SEMA6D: variants seen among roughly 807,000 people sequenced by gnomAD.
SEMA6D encodes the protein semaphorin-6D.
A neutral mutation model predicts 106.6 loss-of-function variants in SEMA6D; 35 were observed. The ratio of observed to expected loss-of-function variants is 0.33; its 90% CI spans 0.25 to 0.44. The LOEUF (loss-of-function observed/expected upper bound fraction) is 0.44. Among genes scored for constraint, SEMA6D ranks in the 20% least tolerant of loss-of-function variants. SEMA6D has a pLI of 1.00. For synonymous variants in SEMA6D, 499 were observed against 487.7 expected, an observed-to-expected ratio of 1.02 and a Z score of -0.31; for missense variants, 1,185 against 1,345.9, an observed-to-expected ratio of 0.88 and a Z score of 1.87.
chr15:47,296,422 G>A (rs1329326356), intron 1 of SEMA6D, among the ~76,000 whole-genome samples: 1 of 152,174 alleles, frequency 6.6e-6, no homozygotes, highest in Non-Finnish European at 1.5e-5. Context: ...GTGGCATGCT[G>A]AAAATTAAAC....
chr15:47,558,837 T>A (rs1425222897), intron 3 of SEMA6D, among the ~76,000 whole-genome samples: 2 of 152,040 alleles, frequency 1.3e-5, no homozygotes, highest in Non-Finnish European at 2.9e-5. Context: ...TCAGTGTAAT[T>A]TCCAAAAATA....
At chr15:47,464,777 T>G (rs1307781605) in intron 2 of SEMA6D, among the ~76,000 whole-genome samples, 1 of 152,130 alleles carries the variant, frequency 6.6e-6, no homozygotes, top group Non-Finnish European at 1.5e-5. Context: ...ATGAGTACCA[T>G]ATGTTAATAT....
intron 1 of SEMA6D, among the ~76,000 whole-genome samples, chr15:47,225,417 A>G (rs1056639825): frequency 6.6e-6 from 1 of 151,090 alleles, no homozygotes; most frequent in African/African-American, 2.4e-5. Flanking sequence ...GATGTGGAAC[A>G]TCTATTCATA....
rs972836215 is a variant in SEMA6D at position 47,754,268 on chromosome 15, T to G, written c.-54-5477T>G. Among the ~76,000 whole-genome samples the G allele has an allele frequency of 2.6e-5, 4 of 152,170 alleles. No homozygotes were observed. The East Asian group carries it at 7.7e-4, about 29-fold the overall frequency. On this transcript the variant is annotated intron_variant, in intron 1 of 18. Transcript: ENST00000536845. ...AAATTTTCTTTTAAAGTTTAAAAAT[T>G]TGCATTAACCTTCCCTATAAATTCC...
At chr15:47,727,629 A>C (rs565402858) in intron 1 of SEMA6D, among the ~76,000 whole-genome samples, 27 of 152,326 alleles carry the variant, frequency 1.8e-4, no homozygotes, top group African/African-American at 6.3e-4. Context: ...AGAAAGTAAT[A>C]AAATCTGCTC....
intron 1 of SEMA6D, among the ~76,000 whole-genome samples, chr15:47,381,595 G>A (rs1195117738): frequency 4.6e-5 from 7 of 152,134 alleles, no homozygotes; most frequent in Non-Finnish European, 1.0e-4. Context: ...AAAATTTCAA[G>A]ATGGTCTATC....
At chr15:47,612,307 C>T (rs142365966) in intron 4 of SEMA6D, among the ~76,000 whole-genome samples, 134 of 152,238 alleles carry the variant, frequency 8.8e-4, no homozygotes, top group Middle Eastern at 3.4e-3. Context: ...GAACTTTCTA[C>T]TGAGAAAATA....
At chr15:47,247,416 C>T (rs1420356049) in intron 1 of SEMA6D, among the ~76,000 whole-genome samples, 3 of 151,576 alleles carry the variant, frequency 2.0e-5, no homozygotes, top group Admixed American at 6.6e-5. Context: ...ATTGTTCCTC[C>T]TATATAGCAA....
In SEMA6D at chr15:47,461,821, T is replaced by G. The variant is rs281324; in HGVS notation, c.-158-8653T>G. Among the ~76,000 whole-genome samples the G allele has an allele frequency of 8.5e-3, 1,291 of 151,314 alleles. 22 individuals are homozygous for G. The highest frequency in any genetic ancestry group is 0.03 in the African/African-American group (1,236 of 41,252). ...TAAGATTAGAACTTGAAGGGCAAAT[T>G]TGTAAAATGTGTGAAGAATGTATAT... On this transcript the variant is annotated intron_variant, in intron 2 of 19. Coordinates refer to the SEMA6D transcript ENST00000558014.
At chr15:47,663,228 A>G (rs1033828983) in intron 4 of SEMA6D, among the ~76,000 whole-genome samples, 1 of 152,228 alleles carries the variant, frequency 6.6e-6, no homozygotes, top group Non-Finnish European at 1.5e-5. Context: ...ACAGATGCTA[A>G]CAAATTCCAG....
intron 1 of SEMA6D, among the ~76,000 whole-genome samples, chr15:47,733,156 T>C (rs1016667490): frequency 5.9e-5 from 9 of 152,252 alleles, no homozygotes; most frequent in Non-Finnish European, 1.2e-4. Context: ...TGATAAATTC[T>C]GTATCTACTG....
intron 4 of SEMA6D, among the ~76,000 whole-genome samples, chr15:47,627,968 C>T (rs1365035076): frequency 6.6e-6 from 1 of 152,052 alleles, no homozygotes; most frequent in Non-Finnish European, 1.5e-5. Flanking sequence ...GCATTTTTCA[C>T]CCATGAATAT....
intron 1 of SEMA6D, among the ~76,000 whole-genome samples, chr15:47,217,093 C>T (rs1566931832): frequency 1.3e-5 from 2 of 152,124 alleles, no homozygotes; most frequent in African/African-American, 2.4e-5. Flanking sequence ...CTGAATCTGC[C>T]TGGACCTTGA....
chr15:47,341,806 G>C (rs1374541437), intron 1 of SEMA6D, among the ~76,000 whole-genome samples: 1 of 152,068 alleles, frequency 6.6e-6, no homozygotes, highest in African/African-American at 2.4e-5. Context: ...TCAGACTTGT[G>C]ATATTCCTTG....
chr15:47,738,886 T>C (rs1329129079), intron 1 of SEMA6D, among the ~76,000 whole-genome samples: 3 of 152,140 alleles, frequency 2.0e-5, no homozygotes, highest in African/African-American at 4.8e-5. Flanking sequence ...CTCATTCTCA[T>C]GGAAGGCCAG....
At chr15:47,617,744 A>G (rs1419953038) in intron 4 of SEMA6D, among the ~76,000 whole-genome samples, 6 of 152,216 alleles carry the variant, frequency 3.9e-5, no homozygotes, top group Non-Finnish European at 8.8e-5. Context: ...TTTCACCTGT[A>G]AAATGGGATG....
intron 1 of SEMA6D, among the ~76,000 whole-genome samples, chr15:47,756,847 A>G (rs2081771137): frequency 6.6e-6 from 1 of 151,358 alleles, no homozygotes; most frequent in Non-Finnish European, 1.5e-5. Flanking sequence ...TGCAATATGT[A>G]TCACATTAAA....
intron 4 of SEMA6D, among the ~76,000 whole-genome samples, chr15:47,673,298 T>G (rs1239609042): frequency 6.6e-6 from 1 of 152,244 alleles, no homozygotes; most frequent in African/African-American, 2.4e-5. Flanking sequence ...GCATATATAA[T>G]TATACAGGAA....
At chr15:47,553,589 G>A (rs1456080287) in intron 3 of SEMA6D, among the ~76,000 whole-genome samples, 1 of 152,090 alleles carries the variant, frequency 6.6e-6, no homozygotes, top group Non-Finnish European at 1.5e-5. Flanking sequence ...ACACCAAGGG[G>A]CTAAAAAGAC....
Sources: allele counts gnomAD v4.1 joint callset (sites outside exome capture counted in the v4.1 genomes callset), GRCh38; gene constraint gnomAD v4.1.1; transcripts MANE v1.5; gene names NCBI Gene and HGNC (gene_info 2026-07-23, HGNC 2026-07-21).